Variants in ZNF678 observed in about 807,000 individuals in gnomAD.
The protein encoded by ZNF678 is zinc finger protein 678, also known as hypothetical protein MGC42493.
A neutral mutation model predicts 3.0 loss-of-function variants in ZNF678; 5 were observed. That is an observed-to-expected ratio of 1.69 (90% CI 0.88 to 3.56). The LOEUF (loss-of-function observed/expected upper bound fraction) is 3.56, where lower values mean the gene tolerates loss of function less well. ZNF678 is among the 30% of genes most tolerant of loss of function. The pLI is 0.00. For missense variants in ZNF678, 593 were observed against 605.0 expected, an observed-to-expected ratio of 0.98 and a Z score of 0.21; for synonymous variants, 218 against 199.6, an observed-to-expected ratio of 1.09 and a Z score of -0.78.
intron 1 of ZNF678, among the ~76,000 whole-genome samples, chr1:227,568,230 A>G (rs1339063922): frequency 2.0e-5 from 3 of 152,286 alleles, no homozygotes; most frequent in East Asian, 3.9e-4. Flanking sequence ...GCTCAGGGTC[A>G]TCACCATGGT....
intron 1 of ZNF678, among the ~76,000 whole-genome samples, chr1:227,631,218 G>C (rs546694282): frequency 6.6e-6 from 1 of 152,214 alleles, no homozygotes; most frequent in African/African-American, 2.4e-5. Context: ...CATCCTCTAT[G>C]GTCTTAATGC....
At chr1:227,644,167 T>C (rs1307980691) in intron 1 of ZNF678, among the ~76,000 whole-genome samples, 1 of 152,176 alleles carries the variant, frequency 6.6e-6, no homozygotes, top group Non-Finnish European at 1.5e-5. Context: ...GCCTGGCCTA[T>C]ACATTTTATT....
chr1:227,569,941 T>A (rs78221925), intron 1 of ZNF678, among the ~76,000 whole-genome samples: 22 of 148,008 alleles, frequency 1.5e-4, no homozygotes, highest in Admixed American at 2.0e-4. Context: ...ATCTTCATCT[T>A]TTGGGTCTCA....
downstream of ZNF678, among the ~76,000 whole-genome samples, chr1:227,677,798 G>C (rs1659709665): frequency 1.3e-5 from 2 of 152,162 alleles, no homozygotes; most frequent in Admixed American, 1.3e-4. Context: ...CCCAATTTCA[G>C]GGTTGAACAG....
At position 227,654,392 on chromosome 1, in the gene ZNF678, T is replaced by G; in HGVS notation, c.142T>G (p.Cys48Gly). ...GCCAGAGCAGGATATGAAAGATTTA[T>G]GCCAAAAAGTGACACTGACAAGACA... ...LLPEQDMKDLCQKVTLTRHRS... is the reference protein window; with the variant it reads ...LLPEQDMKDLGQKVTLTRHRS... Residue 48 changes from cysteine to glycine, a missense_variant, in exon 4 of 4, where the codon TGC becomes GGC. By Grantham distance (159) the Cys-to-Gly change is radical (BLOSUM62 -3). Transcript: ENST00000343776. The G allele has an allele frequency of 6.2e-7, 1 of 1,605,010 alleles. No individual in the cohort carries two copies. The highest frequency in any genetic ancestry group is 8.5e-7 in the Non-Finnish European group (1 of 1,176,418).
At chr1:227,650,069 A>G (rs1009545798) in intron 2 of ZNF678, among the ~76,000 whole-genome samples, 5 of 152,112 alleles carry the variant, frequency 3.3e-5, no homozygotes, top group Admixed American at 6.5e-5. Flanking sequence ...TTTTGATGTC[A>G]TATTCAAAAA....
At chr1:227,580,130 A>G (rs549249473) in intron 1 of ZNF678, among the ~76,000 whole-genome samples, 2 of 152,178 alleles carry the variant, frequency 1.3e-5, no homozygotes, top group South Asian at 4.2e-4. Context: ...TGGTCCAAAA[A>G]TGAGTCCCGG....
At position 227,661,380 on chromosome 1, in the gene ZNF678, T is replaced by A. The variant is rs2102814909; in HGVS notation, c.*5552T>A. The A allele has an allele frequency of 6.6e-6, 1 of 152,232 alleles. No homozygotes were observed. The highest frequency in any genetic ancestry group is 6.6e-5 in the Admixed American group (1 of 15,264). 9.4% of individuals were successfully genotyped at this position (152,232 alleles called of 1,614,324 possible). On this transcript the variant is annotated 3_prime_UTR_variant, in exon 4 of 4. Coordinates refer to ENST00000343776, the MANE Select transcript of ZNF678 (RefSeq NM_001367909.1). ...AAGAACAAAGACCAGGCAAAAGAAATGTCAAGCCGCATTTACAAATGCAAA... is the reference window on the plus strand; with the variant it reads ...AAGAACAAAGACCAGGCAAAAGAAAAGTCAAGCCGCATTTACAAATGCAAA...
chr1:227,678,422 T>C (rs1659718735), downstream of ZNF678, among the ~76,000 whole-genome samples: 1 of 152,210 alleles, frequency 6.6e-6, no homozygotes, highest in African/African-American at 2.4e-5. Flanking sequence ...AATATCCTTG[T>C]TCTCTATAGG....
chr1:227,674,608 CT>C (rs1383826284), intron 5 of ZNF678, among the ~76,000 whole-genome samples: 45 of 120,282 alleles, frequency 3.7e-4, no homozygotes, highest in Admixed American at 1.5e-3. Context: ...TTTTTTTTTT[CT>C]TTTTTTTTTT....
intron 1 of ZNF678, among the ~76,000 whole-genome samples, chr1:227,604,947 C>G (rs1657827221): frequency 6.6e-6 from 1 of 152,130 alleles, no homozygotes; most frequent in African/African-American, 2.4e-5. Context: ...GCTCCGCCTC[C>G]CAGGTTCATG....
At chr1:227,592,593 G>A (rs1401764564) in intron 1 of ZNF678, among the ~76,000 whole-genome samples, 1 of 152,232 alleles carries the variant, frequency 6.6e-6, no homozygotes, top group Admixed American at 6.5e-5. Flanking sequence ...GGTTGTAATA[G>A]ATGTAGTTTA....
intron 1 of ZNF678, among the ~76,000 whole-genome samples, chr1:227,610,825 A>G (rs1657999315): frequency 6.6e-6 from 1 of 152,194 alleles, no homozygotes; most frequent in African/African-American, 2.4e-5. Flanking sequence ...ATCCTGTTAC[A>G]TATGACATGA....
intron 1 of ZNF678, among the ~76,000 whole-genome samples, chr1:227,625,840 G>C (rs201349660): frequency 6.6e-6 from 1 of 151,838 alleles, no homozygotes; most frequent in Non-Finnish European, 1.5e-5. Flanking sequence ...CGGTATGGGT[G>C]AAGTAAGTCC....
At chr1:227,649,386 T>C (rs1285259824) in intron 2 of ZNF678, among the ~76,000 whole-genome samples, 1 of 152,240 alleles carries the variant, frequency 6.6e-6, no homozygotes, top group African/African-American at 2.4e-5. Context: ...GTTTTGCTCT[T>C]GTTGCCCAAG....
intron 1 of ZNF678, among the ~76,000 whole-genome samples, chr1:227,597,504 A>T (rs2999741): frequency 0.46 from 70,189 of 152,134 alleles, 17,155 homozygotes; most frequent in African/African-American, 0.62. Flanking sequence ...AAGTTCAAAA[A>T]GTACCAGTGT....
intron 1 of ZNF678, among the ~76,000 whole-genome samples, chr1:227,629,659 G>A (rs531668100): frequency 1.6e-4 from 24 of 152,342 alleles, no homozygotes; most frequent in Non-Finnish European, 3.1e-4. Flanking sequence ...GGCATGGGCC[G>A]GCGCTTGCCC....
rs924922522 is a variant in ZNF678, at chr1:227,625,741, G to T, written c.-163-20803G>T. ...GGTCTAGTCCTTTGTAGGGGCTAGG[G>T]GTGCTTTGTACCCTGGTCAGTTGGG... is the stretch of plus-strand genomic sequence containing the variant. On this transcript the variant is annotated intron_variant, in intron 1 of 3. Transcript: ENST00000343776. Among the ~76,000 whole-genome samples, 3 of 152,010 alleles carry T rather than the reference G, an allele frequency of 2.0e-5. No individual in the cohort carries two copies. In the South Asian group the frequency reaches 6.3e-4, roughly 32 times the overall value.
chr1:227,643,326 A>G (rs1181350601), intron 1 of ZNF678, among the ~76,000 whole-genome samples: 1 of 152,240 alleles, frequency 6.6e-6, no homozygotes, highest in Non-Finnish European at 1.5e-5. Context: ...ATTAGGTTAC[A>G]GAATAGAGAA....
Sources: allele counts gnomAD v4.1 joint callset (sites outside exome capture counted in the v4.1 genomes callset), GRCh38; gene constraint gnomAD v4.1.1; transcripts MANE v1.5; gene names NCBI Gene and HGNC (gene_info 2026-07-23, HGNC 2026-07-21).